The following UBE2Q2 variants were observed in gnomAD, a reference collection of about 807,000 sequenced individuals.
The protein encoded by UBE2Q2 is ubiquitin-conjugating enzyme E2 Q2.
UBE2Q2 carries 54 observed loss-of-function variants against 59.9 expected under a neutral mutation model. The ratio of observed to expected loss-of-function variants is 0.90; its 90% CI spans 0.72 to 1.13. The LOEUF (loss-of-function observed/expected upper bound fraction) is 1.13. Among genes scored for constraint, UBE2Q2 ranks in the 50% most tolerant of loss-of-function variants. The probability of loss-of-function intolerance (pLI) is 0.00; values close to 1 mark genes in which losing one functional copy is unlikely to be tolerated. For synonymous variants in UBE2Q2, 165 were observed against 155.2 expected (o/e 1.06, Z -0.47); for missense variants, 433 against 441.9 (o/e 0.98, Z 0.18).
rs1180740063 is a variant in UBE2Q2, at chr15:75,860,448, TA to T, written c.387+467del. Among the ~76,000 whole-genome samples the T allele has an allele frequency of 4.7e-5, 7 of 147,614 alleles. No individual in the cohort carries two copies. The East Asian group carries it at 7.7e-4, about 16-fold the overall frequency. ...GGCATCTAAATATTTATTACCTATT[TA>T]TTTTTTTTTTACTATAATACATGAT... On this transcript the variant is annotated intron_variant, in intron 3 of 12. Coordinates refer to ENST00000267938, the MANE Select transcript of UBE2Q2 (RefSeq NM_173469.4).
intron 5 of UBE2Q2, among the ~76,000 whole-genome samples, chr15:75,875,094 C>T (rs995141224): frequency 2.0e-5 from 3 of 152,140 alleles, no homozygotes; most frequent in South Asian, 2.1e-4. Context: ...GTCTTGTGAT[C>T]GATTCCAGTT....
In UBE2Q2 at chr15:75,879,148, A is replaced by C. The variant is rs1898254698; in HGVS notation, c.785A>C (p.Lys262Thr). 1 of 1,603,148 alleles carries C rather than the reference A, an allele frequency of 6.2e-7. No individual in the cohort carries two copies. The highest frequency in any genetic ancestry group is 1.3e-5 in the African/African-American group (1 of 74,394). ...AGTGATCTTCAGATCTTAAAAGAAA[A>C]AGAAGGCATAGAATATATTTTGCTT... ...LHSDLQILKE[K>T]EGIEYILLNF... Residue 262 changes from lysine to threonine, a missense_variant, in exon 8 of 13, where the codon AAA (lysine) becomes ACA (threonine). Lys to Thr is a moderately conservative substitution (Grantham distance 78). Coordinates refer to ENST00000267938, the MANE Select transcript of UBE2Q2 (RefSeq NM_173469.4).
At position 75,864,395 on chromosome 15, in the gene UBE2Q2, A is replaced by G. The variant is rs145942653; in HGVS notation, c.387+4413A>G. 6.0e-3 allele frequency among the ~76,000 whole-genome samples: 917 copies of G among 152,110 alleles called. 10 individuals are homozygous for G. The highest frequency in any genetic ancestry group is 0.021 in the African/African-American group (872 of 41,448). On this transcript the variant is annotated intron_variant, in intron 3 of 12. Transcript: ENST00000267938. ...GGTAGGGGTGCTGTTGGCATTTCTTAGGTAGAGGGGATGTCACTAAACATC... is the reference window on the plus strand; with the variant it reads ...GGTAGGGGTGCTGTTGGCATTTCTTGGGTAGAGGGGATGTCACTAAACATC...
chr15:75,848,582 C>A (rs1468646718), intron 1 of UBE2Q2, among the ~76,000 whole-genome samples: 1 of 152,170 alleles, frequency 6.6e-6, no homozygotes, highest in East Asian at 1.9e-4. Context: ...CATTTTTATA[C>A]CTGTCCTTGA....
At chr15:75,856,018 C>G (rs1413612910) in intron 2 of UBE2Q2, among the ~76,000 whole-genome samples, 1 of 151,906 alleles carries the variant, frequency 6.6e-6, no homozygotes, top group Non-Finnish European at 1.5e-5. Flanking sequence ...TGAAACCTGT[C>G]TCTACAAAAA....
chr15:75,889,562 T>G (rs1595896061), intron 9 of UBE2Q2, among the ~76,000 whole-genome samples: 1 of 151,740 alleles, frequency 6.6e-6, no homozygotes, highest in South Asian at 2.1e-4. Flanking sequence ...TTTGGAAGGG[T>G]AGGAAGCAGT....
At chr15:75,885,604 C>T (rs947352112) in intron 9 of UBE2Q2, among the ~76,000 whole-genome samples, 2 of 152,178 alleles carry the variant, frequency 1.3e-5, no homozygotes, top group Non-Finnish European at 2.9e-5. Context: ...CTGGGAAAGG[C>T]TGTTCTTTTG....
chr15:75,863,717 A>T (rs1595868999), intron 3 of UBE2Q2, among the ~76,000 whole-genome samples: 1 of 150,704 alleles, frequency 6.6e-6, no homozygotes, highest in African/African-American at 2.4e-5. Flanking sequence ...ATCTTGGCTC[A>T]CTGCAGCCTC....
intron 3 of UBE2Q2, among the ~76,000 whole-genome samples, chr15:75,863,919 G>C (rs1446096134): frequency 6.6e-6 from 1 of 151,900 alleles, no homozygotes; most frequent in African/African-American, 2.4e-5. Flanking sequence ...GGATTACAGG[G>C]GTGAGCCACT....
chr15:75,884,364 A>C, intron 9 of UBE2Q2, among the ~76,000 whole-genome samples: 1 of 152,244 alleles, frequency 6.6e-6, no homozygotes, highest in East Asian at 1.9e-4. Context: ...TTCAGACTTC[A>C]GAACTTTCTC....
intron 2 of UBE2Q2, among the ~76,000 whole-genome samples, chr15:75,857,888 T>C (rs1333863735): frequency 6.6e-6 from 1 of 152,186 alleles, no homozygotes; most frequent in African/African-American, 2.4e-5. Context: ...AAAAAAAATC[T>C]ATATGCTTGT....
At chr15:75,878,690 G>GT (rs1898221379) in intron 7 of UBE2Q2, among the ~76,000 whole-genome samples, 2 of 149,996 alleles carry the variant, frequency 1.3e-5, no homozygotes, top group Non-Finnish European at 3.0e-5. Flanking sequence ...ACAAATACAG[G>GT]TTTTTTTAGT....
At chr15:75,884,772 A>C (rs1898660522) in intron 9 of UBE2Q2, among the ~76,000 whole-genome samples, 1 of 151,852 alleles carries the variant, frequency 6.6e-6, no homozygotes, top group Admixed American at 6.6e-5. Flanking sequence ...ATATCTTCCC[A>C]CCTCAGCCTC....
chr15:75,869,070 A>G (rs1897653327), intron 4 of UBE2Q2, 60 bp downstream of exon 4: 6 of 1,395,188 alleles, frequency 4.3e-6, no homozygotes, highest in Non-Finnish European at 6.0e-6. Flanking sequence ...CATTTGAGTA[A>G]TTCTCAAATC....
chr15:75,860,787 C>G (rs1897167371), intron 3 of UBE2Q2, among the ~76,000 whole-genome samples: 1 of 152,130 alleles, frequency 6.6e-6, no homozygotes. Context: ...CAGATGCCAT[C>G]TTGAGGTTTT....
chr15:75,854,272 C>T, intron 1 of UBE2Q2, 114 bp from the exon 2 acceptor site: 1 of 684,896 alleles, frequency 1.5e-6, no homozygotes, highest in Non-Finnish European at 2.3e-6. Context: ...TGCCTTTTCC[C>T]CCCATACATT....
intron 12 of UBE2Q2, among the ~76,000 whole-genome samples, chr15:75,898,402 ATAT>A (rs1194673454): frequency 1.1e-4 from 17 of 152,176 alleles, no homozygotes; most frequent in Admixed American, 3.9e-4. Flanking sequence ...AAAAAAATAG[ATAT>A]TATACTTACT....
intron 9 of UBE2Q2, among the ~76,000 whole-genome samples, chr15:75,884,178 C>G (rs1898621832): frequency 6.6e-6 from 1 of 152,200 alleles, no homozygotes; most frequent in Non-Finnish European, 1.5e-5. Flanking sequence ...TCAGTAGGCC[C>G]TCAAAGTATG....
At chr15:75,888,477 T>G (rs1195831532) in intron 9 of UBE2Q2, among the ~76,000 whole-genome samples, 1 of 152,228 alleles carries the variant, frequency 6.6e-6, no homozygotes, top group Non-Finnish European at 1.5e-5. Flanking sequence ...AAATACAGTA[T>G]TACTGTGTCC....
Sources: gnomAD v4.1 joint callset for allele counts (sites outside exome capture counted in the v4.1 genomes callset) on GRCh38, gnomAD v4.1.1 for gene constraint, MANE v1.5 for transcripts, NCBI Gene and HGNC (gene_info 2026-07-23, HGNC 2026-07-21) for gene names.